The following PIK3CB variants were observed in gnomAD, a reference collection of about 807,000 sequenced individuals.
PIK3CB encodes phosphatidylinositol-4,5-bisphosphate 3-kinase catalytic subunit beta.
In PIK3CB, 39 loss-of-function variants were observed where a neutral mutation model predicts 136.8. The observed-to-expected ratio is 0.29, with a 90% CI of 0.22 to 0.37. PIK3CB has a LOEUF of 0.37. Among genes scored for constraint, PIK3CB ranks in the 10% least tolerant of loss-of-function variants. PIK3CB has a pLI of 1.00. For missense variants in PIK3CB, 868 were observed against 1,275.4 expected (o/e 0.68, Z 4.87); for synonymous variants, 428 against 436.6 (o/e 0.98, Z 0.25).
intron 5 of PIK3CB, 93 bp from the exon 6 acceptor site, chr3:138,737,979 T>G (rs1273656219): frequency 2.9e-6 from 2 of 692,998 alleles, no homozygotes; most frequent in Non-Finnish European, 4.6e-6. Context: ...TATGTACAAA[T>G]GTACATAATA....
At chr3:138,829,475 G>A (rs935580724) in intron 1 of PIK3CB, among the ~76,000 whole-genome samples, 1 of 152,124 alleles carries the variant, frequency 6.6e-6, no homozygotes, top group African/African-American at 2.4e-5. Flanking sequence ...ACATATGTGG[G>A]ATATATTTTG....
intron 19 of PIK3CB, among the ~76,000 whole-genome samples, chr3:138,671,526 G>A (rs921504293): frequency 1.3e-5 from 2 of 152,152 alleles, no homozygotes; most frequent in Non-Finnish European, 2.9e-5. Context: ...AAGACCTCTA[G>A]GTTCCAAAAA....
intron 2 of PIK3CB, among the ~76,000 whole-genome samples, chr3:138,761,691 A>G (rs1032792923): frequency 2.0e-5 from 3 of 151,962 alleles, no homozygotes; most frequent in African/African-American, 7.2e-5. Context: ...AATTGCTTGA[A>G]CCTGGGAGGC....
intron 10 of PIK3CB, among the ~76,000 whole-genome samples, chr3:138,708,263 C>CTTTTTT (rs61178842): frequency 1.4e-3 from 156 of 108,790 alleles, no homozygotes; most frequent in Non-Finnish European, 1.9e-3. Context: ...TTTTCTTTTT[C>CTTTTTT]TTTTTTTTTT....
chr3:138,818,096 AG>A (rs1397600269), intron 1 of PIK3CB, among the ~76,000 whole-genome samples: 1 of 152,208 alleles, frequency 6.6e-6, no homozygotes, highest in Non-Finnish European at 1.5e-5. Flanking sequence ...GTTCAAGTCC[AG>A]CCTGGGTAAC....
chr3:138,795,323 T>TA (rs56912195), intron 2 of PIK3CB, among the ~76,000 whole-genome samples: 115 of 112,354 alleles, frequency 1.0e-3, no homozygotes, highest in South Asian at 1.6e-3. Context: ...CTCTGTCTTT[T>TA]AAAAAAAAAA....
At chr3:138,779,824 T>C (rs2045903968) in intron 2 of PIK3CB, among the ~76,000 whole-genome samples, 1 of 151,796 alleles carries the variant, frequency 6.6e-6, no homozygotes, top group South Asian at 2.1e-4. Flanking sequence ...CCACCATGCC[T>C]GGCCCAAGGG....
intron 1 of PIK3CB, among the ~76,000 whole-genome samples, chr3:138,801,688 T>C (rs760424253): frequency 2.0e-5 from 3 of 150,902 alleles, no homozygotes; most frequent in Non-Finnish European, 4.4e-5. Flanking sequence ...CATGGTGAAA[T>C]CCTGTCTCTA....
chr3:138,685,396 C>CAAAAAAAAAAAAAAAAAAAAAAAAAA (rs398052626), intron 16 of PIK3CB, among the ~76,000 whole-genome samples: 3 of 58,352 alleles, frequency 5.1e-5, no homozygotes, highest in African/African-American at 3.0e-4. Flanking sequence ...GAAACTGTCT[C>CAAAAAAAAAAAAAAAAAAAAAAAAAA]AAAAAAAAAA....
chr3:138,762,434 A>G (rs373352771), intron 2 of PIK3CB, among the ~76,000 whole-genome samples: 2 of 152,324 alleles, frequency 1.3e-5, no homozygotes, highest in East Asian at 1.9e-4. Context: ...TTCTCACCAC[A>G]GTATATGGAA....
intron 1 of PIK3CB, among the ~76,000 whole-genome samples, chr3:138,822,517 C>T (rs1191115210): frequency 2.6e-5 from 4 of 151,758 alleles, no homozygotes; most frequent in Non-Finnish European, 5.9e-5. Context: ...GCCTGGGCGA[C>T]ACAGTGAGAC....
Position 138,655,368 on chromosome 3 carries a change from A to G in PIK3CB, c.*21T>C, listed in dbSNP as rs1559791703. On this transcript the variant is annotated 3_prime_UTR_variant, in exon 24 of 24. Coordinates refer to ENST00000674063, the MANE Select transcript of PIK3CB (RefSeq NM_006219.3). ...AAAATGAAATGAAACCAACAAATAC[A>G]TTAGGAGCGAAGGCTGATCGTTAAG... 1 of 1,612,402 alleles carries G rather than the reference A, an allele frequency of 6.2e-7. No individual in the cohort carries two copies. Among genetic ancestry groups the G allele is most frequent in the East Asian group, 2.2e-5 (1 of 44,878 alleles).
chr3:138,657,483 A>C, intron 22 of PIK3CB: 1 of 513,686 alleles, frequency 1.9e-6, no homozygotes, highest in Non-Finnish European at 3.4e-6. Flanking sequence ...TATAATAATT[A>C]TTTTAAATTT....
chr3:138,710,261 A>T (rs2044469804), intron 10 of PIK3CB, among the ~76,000 whole-genome samples: 1 of 152,140 alleles, frequency 6.6e-6, no homozygotes, highest in African/African-American at 2.4e-5. Context: ...TAATTAGTGA[A>T]AACTGTTAGA....
intron 1 of PIK3CB, among the ~76,000 whole-genome samples, chr3:138,798,781 C>T (rs1347639801): frequency 6.6e-6 from 1 of 152,096 alleles, no homozygotes; most frequent in Admixed American, 6.6e-5. Context: ...AAGACCTTAG[C>T]ACTGCCCACC....
intron 2 of PIK3CB, among the ~76,000 whole-genome samples, chr3:138,765,726 CACCTGTAGTCCCAT>C (rs1437741592): frequency 6.6e-6 from 1 of 150,888 alleles, no homozygotes; most frequent in African/African-American, 2.4e-5. Context: ...ACATGGCACA[CACCTGTAGTCCCAT>C]CTACCTGGAA....
At chr3:138,711,346 G>A (rs1255780957) in intron 10 of PIK3CB, among the ~76,000 whole-genome samples, 1 of 151,752 alleles carries the variant, frequency 6.6e-6, no homozygotes, top group Non-Finnish European at 1.5e-5. Context: ...TGGGATGGCC[G>A]AGGTGGGCGG....
chr3:138,775,103 A>T (rs182550031), intron 2 of PIK3CB, among the ~76,000 whole-genome samples: 2 of 152,174 alleles, frequency 1.3e-5, no homozygotes, highest in Non-Finnish European at 2.9e-5. Flanking sequence ...GTAAATTGAG[A>T]GGGAAAAGAC....
intron 8 of PIK3CB, 132 bp downstream of exon 8, chr3:138,733,229 T>C: frequency 2.3e-6 from 1 of 430,008 alleles, no homozygotes; most frequent in Non-Finnish European, 4.2e-6. Flanking sequence ...TTATAATAAA[T>C]TACCATATTC....
Sources: allele counts gnomAD v4.1 joint callset (sites outside exome capture counted in the v4.1 genomes callset), GRCh38; gene constraint gnomAD v4.1.1; transcripts MANE v1.5; gene names NCBI Gene and HGNC (gene_info 2026-07-23, HGNC 2026-07-21).